Variants in FARS2 observed in about 807,000 individuals in gnomAD.
FARS2 encodes phenylalanyl-tRNA synthetase 2, mitochondrial, also known as phenylalanine--tRNA ligase, mitochondrial.
Under a neutral mutation model 46.4 loss-of-function variants are expected in FARS2, and 40 were observed. The ratio of observed to expected loss-of-function variants is 0.86; its 90% CI spans 0.67 to 1.12. FARS2 has a LOEUF of 1.12. Among genes scored for constraint, FARS2 ranks in the 50% most tolerant of loss-of-function variants. The pLI is 0.00. For missense variants in FARS2, 513 were observed against 567.9 expected (o/e 0.90, Z 0.98); for synonymous variants, 234 against 214.9 (o/e 1.09, Z -0.78).
chr6:5,757,246 A>C (rs2150972517), intron 6 of FARS2, among the ~76,000 whole-genome samples: 1 of 152,298 alleles, frequency 6.6e-6, no homozygotes, highest in Admixed American at 6.5e-5. Flanking sequence ...GGACAACTGC[A>C]ACTCAATACA....
intron 4 of FARS2, among the ~76,000 whole-genome samples, chr6:5,523,591 G>C (rs529618007): frequency 6.6e-6 from 1 of 152,060 alleles, no homozygotes; most frequent in Non-Finnish European, 1.5e-5. Flanking sequence ...TGCTGCGGTC[G>C]GCTCAGCCGC....
intron 4 of FARS2, among the ~76,000 whole-genome samples, chr6:5,539,406 A>AT (rs1554106834): frequency 5.5e-5 from 8 of 144,878 alleles, no homozygotes; most frequent in Admixed American, 2.1e-4. Flanking sequence ...ATATGTATAT[A>AT]TTTTTTTAGT....
chr6:5,376,274 G>A (rs970004600), intron 2 of FARS2, among the ~76,000 whole-genome samples: 3 of 152,154 alleles, frequency 2.0e-5, no homozygotes, highest in Non-Finnish European at 4.4e-5. Flanking sequence ...GAAGGCACAT[G>A]ACTGGCTGAT....
intron 4 of FARS2, among the ~76,000 whole-genome samples, chr6:5,442,606 T>G (rs1763904357): frequency 6.6e-6 from 1 of 152,184 alleles, no homozygotes; most frequent in African/African-American, 2.4e-5. Context: ...TCATTCATAT[T>G]TTCAGCATTG....
At chr6:5,377,090 A>T (rs773324598) in intron 2 of FARS2, among the ~76,000 whole-genome samples, 1 of 152,222 alleles carries the variant, frequency 6.6e-6, no homozygotes, top group African/African-American at 2.4e-5. Context: ...AACATTTGAG[A>T]CATTTAGTTT....
At chr6:5,547,043 C>T (rs1430773517) in intron 5 of FARS2, among the ~76,000 whole-genome samples, 1 of 152,018 alleles carries the variant, frequency 6.6e-6, no homozygotes, top group African/African-American at 2.4e-5. Context: ...CCTCTGCCTC[C>T]TGGATTCAAG....
At chr6:5,648,465 G>T (rs1022571647) in intron 6 of FARS2, among the ~76,000 whole-genome samples, 3 of 152,162 alleles carry the variant, frequency 2.0e-5, no homozygotes, top group Admixed American at 6.5e-5. Context: ...TCCTGAGTGG[G>T]ACCCAAAGGG....
intron 6 of FARS2, among the ~76,000 whole-genome samples, chr6:5,689,037 C>T (rs1284802574): frequency 1.3e-5 from 2 of 152,164 alleles, no homozygotes; most frequent in Non-Finnish European, 2.9e-5. Context: ...TCTGTGGGAT[C>T]AGTGGTGATA....
At chr6:5,275,802 C>T (rs1766291677) in intron 1 of FARS2, among the ~76,000 whole-genome samples, 1 of 152,178 alleles carries the variant, frequency 6.6e-6, no homozygotes, top group Non-Finnish European at 1.5e-5. Context: ...AGTCACTTAG[C>T]ATAGTATCTG....
intron 6 of FARS2, among the ~76,000 whole-genome samples, chr6:5,750,746 G>A (rs1252484759): frequency 1.3e-5 from 2 of 152,240 alleles, no homozygotes; most frequent in East Asian, 3.9e-4. Flanking sequence ...TTGGTGGCAG[G>A]ACTTTGAAAG....
chr6:5,610,372 T>C (rs1775109379), intron 5 of FARS2, among the ~76,000 whole-genome samples: 1 of 151,226 alleles, frequency 6.6e-6, no homozygotes, highest in South Asian at 2.1e-4. Context: ...TGCAGTCAGC[T>C]CTCTGTATAT....
Position 5,555,357 on chromosome 6 carries a change from C to T in FARS2, c.1065+10017C>T, listed in dbSNP as rs537923466. The stretch of plus-strand genomic sequence containing the variant: ...AGTGTGTAACACTGGTGCAACTATA[C>T]ATAGGTGAATGTCGAATTTCACTGA... On this transcript the variant is annotated intron_variant, in intron 5 of 6. Coordinates refer to ENST00000274680, the MANE Select transcript of FARS2 (RefSeq NM_006567.5). Among the ~76,000 whole-genome samples the T allele has an allele frequency of 2.6e-5, 4 of 152,180 alleles. No homozygotes were observed. The East Asian group carries it at 7.7e-4, about 29-fold the overall frequency.
At chr6:5,686,537 C>CT (rs1410520737) in intron 6 of FARS2, among the ~76,000 whole-genome samples, 6 of 152,146 alleles carry the variant, frequency 3.9e-5, no homozygotes, top group Admixed American at 2.6e-4. Context: ...TGAACTCGTC[C>CT]TTTTTTATGG....
At chr6:5,366,733 C>T (rs997483905) in intron 1 of FARS2, among the ~76,000 whole-genome samples, 1 of 152,192 alleles carries the variant, frequency 6.6e-6, no homozygotes, top group Non-Finnish European at 1.5e-5. Context: ...GGATCAGAAG[C>T]ACCTTTCCGA....
At chr6:5,614,411 C>CTTTTTT (rs199992978) in intron 6 of FARS2, among the ~76,000 whole-genome samples, 26 of 139,472 alleles carry the variant, frequency 1.9e-4, no homozygotes, top group Middle Eastern at 3.7e-3. Context: ...CCTTCTTTGT[C>CTTTTTT]TTTTTTTTTT....
intron 4 of FARS2, among the ~76,000 whole-genome samples, chr6:5,533,855 G>T (rs756097125): frequency 6.6e-6 from 1 of 152,202 alleles, no homozygotes. Context: ...ATGTCTCAAG[G>T]CTTTAAGGGG....
At chr6:5,303,301 GAAT>G (rs1162337482) in intron 1 of FARS2, among the ~76,000 whole-genome samples, 2 of 152,212 alleles carry the variant, frequency 1.3e-5, no homozygotes, top group Non-Finnish European at 2.9e-5. Context: ...TGAAGGGCAA[GAAT>G]GCAAGAGCAG....
At chr6:5,428,475 G>C (rs1305439039) in intron 3 of FARS2, among the ~76,000 whole-genome samples, 1 of 152,194 alleles carries the variant, frequency 6.6e-6, no homozygotes, top group African/African-American at 2.4e-5. Context: ...TAAAATTCAG[G>C]CCAAATATCC....
chr6:5,351,088 A>T (rs768566224), intron 1 of FARS2, among the ~76,000 whole-genome samples: 2 of 152,210 alleles, frequency 1.3e-5, no homozygotes, highest in Non-Finnish European at 2.9e-5. Context: ...CCTCAGTAAG[A>T]ATGTATAATT....
Sources: gnomAD v4.1 joint callset for allele counts (sites outside exome capture counted in the v4.1 genomes callset) on GRCh38, gnomAD v4.1.1 for gene constraint, MANE v1.5 for transcripts, NCBI Gene and HGNC (gene_info 2026-07-23, HGNC 2026-07-21) for gene names.